The following FBXO15 variants were observed in gnomAD, a reference collection of about 807,000 sequenced individuals.
The protein encoded by FBXO15 is F-box protein 15, also known as F-box only protein 15.
A neutral mutation model predicts 49.5 loss-of-function variants in FBXO15; 30 were observed. That is an observed-to-expected ratio of 0.61 (90% CI 0.45 to 0.82). FBXO15 has a LOEUF of 0.82. FBXO15 is among the 40% of genes least tolerant of loss of function. The pLI is 0.00. For missense variants in FBXO15, 591 were observed against 631.5 expected (o/e 0.94, Z 0.69); for synonymous variants, 250 against 232.7 (o/e 1.07, Z -0.68).
At chr18:74,146,102 T>C (rs893996535) in intron 1 of FBXO15, among the ~76,000 whole-genome samples, 5 of 152,248 alleles carry the variant, frequency 3.3e-5, no homozygotes, top group Admixed American at 2.0e-4. Flanking sequence ...AAAAACCTAA[T>C]GACTGTGCTT....
intron 9 of FBXO15, among the ~76,000 whole-genome samples, chr18:74,081,640 G>C (rs527443949): frequency 1.3e-5 from 2 of 152,078 alleles, no homozygotes; most frequent in Non-Finnish European, 2.9e-5. Context: ...AGAGAGTAGG[G>C]GACTGTGATC....
At chr18:74,124,618 C>T in intron 6 of FBXO15, 47 bp from the exon 7 acceptor site, 18 of 1,504,608 alleles carry the variant, frequency 1.2e-5, no homozygotes, top group Non-Finnish European at 1.7e-5. Context: ...AAAATGCTTA[C>T]ATTTTTCACA....
chr18:74,094,462 C>A (rs932462791), intron 8 of FBXO15, among the ~76,000 whole-genome samples: 1 of 152,170 alleles, frequency 6.6e-6, no homozygotes, highest in Non-Finnish European at 1.5e-5. Flanking sequence ...CATTCTATAT[C>A]CTGTACAGCC....
intron 6 of FBXO15, among the ~76,000 whole-genome samples, chr18:74,125,190 CAG>C (rs1330277235): frequency 3.3e-5 from 5 of 152,180 alleles, no homozygotes; most frequent in African/African-American, 1.2e-4. Flanking sequence ...TCGAAGCCAC[CAG>C]AGTGCTCACA....
At chr18:74,106,919 A>ATT (rs1286754894) in intron 8 of FBXO15, among the ~76,000 whole-genome samples, 1 of 152,174 alleles carries the variant, frequency 6.6e-6, no homozygotes, top group Non-Finnish European at 1.5e-5. Flanking sequence ...TTCAAGAACT[A>ATT]TTTAGTGGCA....
intron 8 of FBXO15, among the ~76,000 whole-genome samples, chr18:74,112,245 T>C (rs566189273): frequency 6.6e-6 from 1 of 152,286 alleles, no homozygotes; most frequent in South Asian, 2.1e-4. Context: ...AAGAAAACTA[T>C]AGACAAGTAT....
At chr18:74,077,084 G>T (rs925845545) in intron 9 of FBXO15, among the ~76,000 whole-genome samples, 1 of 152,168 alleles carries the variant, frequency 6.6e-6, no homozygotes, top group African/African-American at 2.4e-5. Context: ...AAACTGACTC[G>T]GCCCGGCCAG....
chr18:74,082,118 G>C, intron 8 of FBXO15, 67 bp from the exon 9 acceptor site: 1 of 1,560,452 alleles, frequency 6.4e-7, no homozygotes, highest in East Asian at 2.3e-5. Flanking sequence ...AGCACGTTCA[G>C]TCGGCGACTT....
At chr18:74,102,579 T>A (rs1328777344) in intron 8 of FBXO15, among the ~76,000 whole-genome samples, 1 of 152,318 alleles carries the variant, frequency 6.6e-6, no homozygotes, top group East Asian at 1.9e-4. Flanking sequence ...AGAACTACCA[T>A]TTGATCCAGC....
intron 6 of FBXO15, 94 bp from the exon 7 acceptor site, chr18:74,124,665 G>T: frequency 9.6e-7 from 1 of 1,038,248 alleles, no homozygotes; most frequent in Non-Finnish European, 1.5e-6. Context: ...TCATCTTGCA[G>T]ATAGAGGCAC....
intron 9 of FBXO15, chr18:74,078,368 C>CCCAGTCACTG (rs1912343477): frequency 6.7e-6 from 1 of 150,256 alleles, no homozygotes; most frequent in Non-Finnish European, 1.5e-5. Context: ...TCCAATGCCC[C>CCCAGTCACTG]CCAGTCACTG....
chr18:74,116,298 T>C (rs541731897), intron 8 of FBXO15, among the ~76,000 whole-genome samples: 18 of 152,380 alleles, frequency 1.2e-4, no homozygotes, highest in African/African-American at 4.3e-4. Context: ...GATTATACTT[T>C]CTCATTAAAA....
chr18:74,084,708 C>T (rs1223734135), intron 8 of FBXO15, among the ~76,000 whole-genome samples: 2 of 152,156 alleles, frequency 1.3e-5, no homozygotes, highest in Admixed American at 6.5e-5. Context: ...GCTCACCATC[C>T]TTGGTTTCCA....
At position 74,075,414 on chromosome 18, in the gene FBXO15, T is replaced by C. The variant is rs946139775; in HGVS notation, c.1264-1684A>G. ...GCAAAGGCATGATGTCCCTCTCAAG[T>C]GACTACTTCTGTCCTCCCATCAGCT... On this transcript the variant is annotated intron_variant, in intron 9 of 9. Coordinates refer to ENST00000419743, the MANE Select transcript of FBXO15 (RefSeq NM_001142958.2). The surrounding 1 kb of genome is among the most constrained non-coding windows in gnomAD (Gnocchi z 4.1). 1.1e-4 allele frequency among the ~76,000 whole-genome samples: 16 copies of C among 152,206 alleles called. No individual in the cohort carries two copies. The highest frequency in any genetic ancestry group is 2.7e-4 in the African/African-American group (11 of 41,458).
intron 8 of FBXO15, among the ~76,000 whole-genome samples, chr18:74,113,742 T>C (rs374598089): frequency 5.3e-4 from 81 of 152,366 alleles, no homozygotes; most frequent in African/African-American, 1.9e-3. Flanking sequence ...CAAAACATTT[T>C]TCCTTCAGCT....
At chr18:74,086,084 G>A (rs1009905092) in intron 8 of FBXO15, among the ~76,000 whole-genome samples, 5 of 152,068 alleles carry the variant, frequency 3.3e-5, no homozygotes, top group Admixed American at 1.3e-4. Flanking sequence ...TCAGAAAGGA[G>A]TATACTGTTT....
rs200727158 is a variant in FBXO15, at chr18:74,108,914, A to AT, written c.1138+14453dup. ...GAGAATACAGTAAAACATTTGAAGT[A>AT]TTAAGTGTTGAGAGAAAAAATCCAC... On this transcript the variant is annotated intron_variant, in intron 8 of 9. Transcript: ENST00000419743. Among the ~76,000 whole-genome samples, 1,420 of 152,348 alleles carry AT rather than the reference A, an allele frequency of 9.3e-3. 6 individuals are homozygous for AT. Among genetic ancestry groups the AT allele is most frequent in the Non-Finnish European group, 0.015 (1,017 of 68,030 alleles).
rs550264366 is a variant in FBXO15 at position 74,074,747 on chromosome 18, G to A, written c.1264-1017C>T. 7.9e-5 allele frequency among the ~76,000 whole-genome samples: 12 copies of A among 152,270 alleles called. No individual in the cohort carries two copies. The highest frequency in any genetic ancestry group is 1.9e-4 in the African/African-American group (8 of 41,574). The stretch of plus-strand genomic sequence containing the variant: ...TGCATTACATACACTAAGCATAAAC[G>A]TCATTTCATGAACGCTGCTTTCATT... On this transcript the variant is annotated intron_variant, in intron 9 of 9. Coordinates refer to ENST00000419743, the MANE Select transcript of FBXO15 (RefSeq NM_001142958.2). The surrounding 1 kb of genome is among the most constrained non-coding windows in gnomAD (Gnocchi z 4.7).
At chr18:74,102,562 T>A (rs1913569750) in intron 8 of FBXO15, among the ~76,000 whole-genome samples, 1 of 152,154 alleles carries the variant, frequency 6.6e-6, no homozygotes, top group African/African-American at 2.4e-5. Flanking sequence ...CTTAAAGAAC[T>A]AAAAGTAGAA....
Sources: gnomAD v4.1 joint callset for allele counts (sites outside exome capture counted in the v4.1 genomes callset) on GRCh38, gnomAD v4.1.1 for gene constraint, Gnocchi (gnomAD v3.1) non-coding constraint, MANE v1.5 for transcripts, NCBI Gene and HGNC (gene_info 2026-07-23, HGNC 2026-07-21) for gene names.